The following TASP1 variants were observed in gnomAD, a reference collection of about 807,000 sequenced individuals.
The protein encoded by TASP1 is threonine aspartase 1.
TASP1 carries 16 observed loss-of-function variants against 56.6 expected under a neutral mutation model. That is an observed-to-expected ratio of 0.28 (90% CI 0.19 to 0.43). The LOEUF (loss-of-function observed/expected upper bound fraction) is 0.43, where lower values mean the gene tolerates loss of function less well. TASP1 is among the 20% of genes least tolerant of loss of function. TASP1 has a pLI of 1.00. For synonymous variants in TASP1, 179 were observed against 184.2 expected, an observed-to-expected ratio of 0.97 and a Z score of 0.23; for missense variants, 393 against 511.6, an observed-to-expected ratio of 0.77 and a Z score of 2.24.
chr20:13,508,423 G>A (rs528804899), intron 10 of TASP1, among the ~76,000 whole-genome samples: 2 of 152,210 alleles, frequency 1.3e-5, no homozygotes, highest in Admixed American at 1.3e-4. Flanking sequence ...GTGCCAACAT[G>A]ATACTCAAAG....
At chr20:13,110,769 A>G in the TASP1 span, among the ~76,000 whole-genome samples, 23 of 152,168 alleles carry the variant, frequency 1.5e-4, no homozygotes, top group Admixed American at 1.2e-3. Context: ...TGTCTAGTCC[A>G]TAAGCCAAGG....
At chr20:13,479,049 A>G (rs2043041845) in intron 11 of TASP1, among the ~76,000 whole-genome samples, 1 of 152,154 alleles carries the variant, frequency 6.6e-6, no homozygotes, top group Non-Finnish European at 1.5e-5. Flanking sequence ...TCTTCTATAT[A>G]ATTTTTAAAA....
intron 10 of TASP1, among the ~76,000 whole-genome samples, chr20:13,495,096 A>C (rs2043673992): frequency 6.6e-6 from 1 of 152,132 alleles, no homozygotes. Flanking sequence ...GTTATACTAC[A>C]CCATAAATCT....
the TASP1 span, among the ~76,000 whole-genome samples, chr20:13,140,130 G>C: frequency 6.6e-6 from 1 of 152,358 alleles, no homozygotes; most frequent in East Asian, 1.9e-4. Context: ...AGTCATGCCA[G>C]AGGAGGGGAG....
the TASP1 span, chr20:13,288,499 T>G: frequency 5.6e-6 from 9 of 1,602,746 alleles, no homozygotes; most frequent in Non-Finnish European, 7.7e-6. Flanking sequence ...TGGGAGACTC[T>G]TTGGCCAAAG....
the TASP1 span, among the ~76,000 whole-genome samples, chr20:13,180,281 C>T: frequency 6.6e-6 from 1 of 152,136 alleles, no homozygotes; most frequent in African/African-American, 2.4e-5. Flanking sequence ...TAATTTCATA[C>T]ACCCCAGCCA....
chr20:13,159,257 C>T, the TASP1 span, among the ~76,000 whole-genome samples: 11 of 152,346 alleles, frequency 7.2e-5, no homozygotes, highest in South Asian at 4.1e-4. Context: ...TATGACTTAA[C>T]GTCCTATAGG....
intron 10 of TASP1, among the ~76,000 whole-genome samples, chr20:13,517,270 G>T (rs1240497730): frequency 6.6e-6 from 1 of 152,012 alleles, no homozygotes; most frequent in Admixed American, 6.6e-5. Context: ...TCATAACCAG[G>T]CTAGAACATA....
chr20:13,474,708 C>T (rs1249358844), intron 11 of TASP1, among the ~76,000 whole-genome samples: 1 of 152,188 alleles, frequency 6.6e-6, no homozygotes, highest in Admixed American at 6.5e-5. Context: ...AAGGAATCTT[C>T]ATACTGTTTT....
chr20:13,362,839 T>TATATATATATATATATATG, the TASP1 span, among the ~76,000 whole-genome samples: 1 of 64,670 alleles, frequency 1.5e-5, no homozygotes, highest in Non-Finnish European at 3.8e-5. Flanking sequence ...ATATATATAT[T>TATATATATATATATATATG]TGTCTCTCCC....
the TASP1 span, among the ~76,000 whole-genome samples, chr20:13,111,886 T>A: frequency 6.6e-6 from 1 of 152,140 alleles, no homozygotes; most frequent in Non-Finnish European, 1.5e-5. Context: ...CTGGCAAATA[T>A]TCCCATCAGC....
the TASP1 span, among the ~76,000 whole-genome samples, chr20:13,320,706 T>G: frequency 6.6e-6 from 1 of 152,202 alleles, no homozygotes; most frequent in South Asian, 2.1e-4. Flanking sequence ...CACTGCTCCA[T>G]ATTTCTCTTG....
chr20:13,131,418 G>A, the TASP1 span, among the ~76,000 whole-genome samples: 2 of 152,200 alleles, frequency 1.3e-5, no homozygotes, highest in Admixed American at 6.5e-5. Context: ...ATTAAAGGTT[G>A]TCAGAAGAAT....
chr20:13,376,889 G>A, the TASP1 span, among the ~76,000 whole-genome samples: 11 of 152,148 alleles, frequency 7.2e-5, no homozygotes, highest in African/African-American at 2.4e-4. Context: ...TATTATTGGT[G>A]TATAGGAATG....
intron 10 of TASP1, among the ~76,000 whole-genome samples, chr20:13,494,465 T>C (rs748110019): frequency 2.6e-5 from 4 of 152,190 alleles, no homozygotes; most frequent in East Asian, 1.9e-4. Flanking sequence ...AATTCAATTA[T>C]AGAAAACTTA....
In TASP1 at chr20:13,590,970, G is replaced by A. The variant is rs118039495; in HGVS notation, c.283-3600C>T. On this transcript the variant is annotated intron_variant, in intron 4 of 13. Transcript: ENST00000337743. The stretch of plus-strand genomic sequence containing the variant: ...GGTTAACAGTAAATTTGGCACTGCA[G>A]AAGAAAATAGCAATAAACGTAATAA... 3.8e-3 allele frequency among the ~76,000 whole-genome samples: 569 copies of A among 151,242 alleles called. 2 individuals are homozygous for A. The highest frequency in any genetic ancestry group is 6.8e-3 in the Non-Finnish European group (464 of 67,838).
At chr20:13,299,761 A>G in the TASP1 span, 10 of 291,890 alleles carry the variant, frequency 3.4e-5, no homozygotes, top group African/African-American at 1.7e-4. The surrounding 1 kb of genome is among the most constrained non-coding windows in gnomAD (Gnocchi z 5.8). Context: ...GTGCGACTCA[A>G]TTCACACCCG....
chr20:13,461,663 T>C (rs2044056872), intron 11 of TASP1, among the ~76,000 whole-genome samples: 1 of 152,160 alleles, frequency 6.6e-6, no homozygotes, highest in Non-Finnish European at 1.5e-5. Flanking sequence ...CAAGTGAGTG[T>C]AGCTATGTTT....
At chr20:13,542,589 G>A (rs778471554) in intron 8 of TASP1, among the ~76,000 whole-genome samples, 2 of 151,924 alleles carry the variant, frequency 1.3e-5, no homozygotes, top group African/African-American at 4.8e-5. Flanking sequence ...CTGATCACAC[G>A]TTAAACCATA....
Sources: allele counts gnomAD v4.1 joint callset (sites outside exome capture counted in the v4.1 genomes callset), GRCh38; gene constraint gnomAD v4.1.1; non-coding constraint Gnocchi (gnomAD v3.1); transcripts MANE v1.5; gene names NCBI Gene and HGNC (gene_info 2026-07-23, HGNC 2026-07-21).